The following RIT2 variants were observed in gnomAD, a reference collection of about 807,000 sequenced individuals.
The protein encoded by RIT2 is Ras like without CAAX 2.
Under a neutral mutation model 23.7 loss-of-function variants are expected in RIT2, and 24 were observed. The observed-to-expected ratio is 1.01, with a 90% CI of 0.73 to 1.43. RIT2 has a LOEUF of 1.43. Ranked by LOEUF, RIT2 falls within the 40% of genes most tolerant of loss-of-function variation. The pLI is 0.00. For synonymous variants in RIT2, 107 were observed against 91.1 expected (o/e 1.17, Z -0.99); for missense variants, 236 against 266.9 (o/e 0.88, Z 0.81).
chr18:42,896,783 T>G (rs970251944), intron 4 of RIT2, among the ~76,000 whole-genome samples: 1 of 152,196 alleles, frequency 6.6e-6, no homozygotes, highest in African/African-American at 2.4e-5. Flanking sequence ...TGAACTCCAG[T>G]ATGTTTAATT....
At chr18:43,040,357 G>A (rs189693843) in intron 1 of RIT2, among the ~76,000 whole-genome samples, 95 of 152,254 alleles carry the variant, frequency 6.2e-4, no homozygotes, top group Non-Finnish European at 9.4e-4. Flanking sequence ...TTATTAGTGC[G>A]AAAGGCAAAT....
intron 1 of RIT2, among the ~76,000 whole-genome samples, chr18:43,063,435 T>C (rs1246526041): frequency 6.6e-6 from 1 of 152,120 alleles, no homozygotes; most frequent in African/African-American, 2.4e-5. Flanking sequence ...CCAATAACTT[T>C]CCATTTGTGT....
At chr18:42,879,258 T>C (rs936589936) in intron 4 of RIT2, among the ~76,000 whole-genome samples, 1 of 152,138 alleles carries the variant, frequency 6.6e-6, no homozygotes, top group African/African-American at 2.4e-5. Context: ...TATCACATTT[T>C]CTCCTGTATT....
intron 2 of RIT2, among the ~76,000 whole-genome samples, chr18:43,027,586 C>A (rs1366847477): frequency 6.6e-6 from 1 of 151,868 alleles, no homozygotes; most frequent in Non-Finnish European, 1.5e-5. Flanking sequence ...AATTTATCTT[C>A]TAGATGTTTC....
chr18:43,050,786 TGAGGAGCTCAGGACA>T (rs950683867), intron 1 of RIT2, among the ~76,000 whole-genome samples: 17 of 152,166 alleles, frequency 1.1e-4, no homozygotes, highest in South Asian at 4.1e-4. Context: ...GGACAGGGTT[TGAGGAGCTCAGGACA>T]GCTGAACACA....
chr18:42,882,027 A>T (rs1249436963), intron 4 of RIT2, among the ~76,000 whole-genome samples: 1 of 152,232 alleles, frequency 6.6e-6, no homozygotes, highest in Non-Finnish European at 1.5e-5. Flanking sequence ...TAAGCATTTC[A>T]TGCTTTTTTC....
chr18:42,844,661 G>A (rs1223330649), intron 4 of RIT2, among the ~76,000 whole-genome samples: 2 of 152,004 alleles, frequency 1.3e-5, no homozygotes, highest in East Asian at 1.9e-4. Context: ...GGATAGGCAG[G>A]GCAGGGTGGG....
At chr18:42,803,731 G>T (rs553559217) in intron 4 of RIT2, among the ~76,000 whole-genome samples, 1 of 152,108 alleles carries the variant, frequency 6.6e-6, no homozygotes, top group Non-Finnish European at 1.5e-5. Context: ...TTTGCTGCCC[G>T]TGGTATTTAT....
At chr18:42,911,537 T>C (rs1283409708) in intron 4 of RIT2, among the ~76,000 whole-genome samples, 1 of 152,070 alleles carries the variant, frequency 6.6e-6, no homozygotes, top group African/African-American at 2.4e-5. Context: ...TGTTAATTTG[T>C]TTCACTATAG....
intron 2 of RIT2, among the ~76,000 whole-genome samples, chr18:43,024,161 C>T (rs1348421743): frequency 6.6e-6 from 1 of 151,986 alleles, no homozygotes; most frequent in Non-Finnish European, 1.5e-5. Context: ...AACAGAGTGA[C>T]ATAATCAACC....
intron 3 of RIT2, among the ~76,000 whole-genome samples, chr18:42,965,660 GAAATATAA>G (rs1199629982): frequency 8.9e-6 from 1 of 112,224 alleles, no homozygotes; most frequent in Non-Finnish European, 1.8e-5. Context: ...AGGATATAAA[GAAATATAA>G]AAATATAAAA....
At chr18:42,808,134 C>G (rs994290790) in intron 4 of RIT2, among the ~76,000 whole-genome samples, 1 of 152,158 alleles carries the variant, frequency 6.6e-6, no homozygotes, top group Non-Finnish European at 1.5e-5. Flanking sequence ...TTGTTTTGCT[C>G]AATGGAGCAA....
intron 4 of RIT2, among the ~76,000 whole-genome samples, chr18:42,862,749 G>C (rs1006421436): frequency 6.6e-6 from 1 of 152,152 alleles, no homozygotes; most frequent in Non-Finnish European, 1.5e-5. Context: ...CAAACTGCCT[G>C]AACTGAAATA....
intron 4 of RIT2, among the ~76,000 whole-genome samples, chr18:42,768,878 C>T (rs1330671338): frequency 3.3e-5 from 5 of 152,036 alleles, no homozygotes; most frequent in South Asian, 4.1e-4. Context: ...GATATCCCAA[C>T]TTCCCTTTGG....
At chr18:42,817,618 C>G (rs908022213) in intron 4 of RIT2, among the ~76,000 whole-genome samples, 2 of 151,994 alleles carry the variant, frequency 1.3e-5, no homozygotes, top group Non-Finnish European at 2.9e-5. Context: ...ATGAGTGTCG[C>G]TTATCTTTAA....
intron 4 of RIT2, among the ~76,000 whole-genome samples, chr18:42,797,011 C>A (rs956110076): frequency 5.3e-5 from 8 of 152,030 alleles, no homozygotes; most frequent in Admixed American, 2.0e-4. Flanking sequence ...TCTCTAAATC[C>A]ATATGTACCT....
chr18:42,980,137 T>A (rs1039835307), intron 2 of RIT2, among the ~76,000 whole-genome samples: 2 of 152,134 alleles, frequency 1.3e-5, no homozygotes, highest in African/African-American at 4.8e-5. Context: ...GAAAAAGGCT[T>A]GTAAAACTGG....
At chr18:42,869,676 G>T (rs766245757) in intron 4 of RIT2, among the ~76,000 whole-genome samples, 1 of 152,088 alleles carries the variant, frequency 6.6e-6, no homozygotes, top group Non-Finnish European at 1.5e-5. Flanking sequence ...TTCCATTCCT[G>T]TATGGTTGTT....
At chr18:43,097,940 G>A (rs981055566) in intron 1 of RIT2, among the ~76,000 whole-genome samples, 1 of 151,926 alleles carries the variant, frequency 6.6e-6, no homozygotes, top group African/African-American at 2.4e-5. Flanking sequence ...TCCAACAGAT[G>A]ATTAATCAAT....
Sources: gnomAD v4.1 joint callset for allele counts (sites outside exome capture counted in the v4.1 genomes callset) on GRCh38, gnomAD v4.1.1 for gene constraint, MANE v1.5 for transcripts, NCBI Gene and HGNC (gene_info 2026-07-23, HGNC 2026-07-21) for gene names.